The following TCF20 variants were observed in gnomAD, a reference collection of about 807,000 sequenced individuals.
The protein encoded by TCF20 is transcription factor 20, also known as SPRE-binding protein.
A neutral mutation model predicts 148.6 loss-of-function variants in TCF20; 3 were observed. The observed-to-expected ratio is 0.02, with a 90% confidence interval of 0.01 to 0.05. The LOEUF is 0.05. Among genes scored for constraint, TCF20 ranks in the 10% least tolerant of loss-of-function variants. TCF20 has a pLI of 1.00. For synonymous variants in TCF20, 1,049 were observed against 909.5 expected (o/e 1.15, Z -2.76); for missense variants, 2,350 against 2,429.3 (o/e 0.97, Z 0.69).
chr22:42,209,590 G>T, intron 2 of TCF20, 61 bp downstream of exon 2: 2 of 1,515,412 alleles, frequency 1.3e-6, no homozygotes, highest in Non-Finnish European at 1.8e-6. Context: ...ACAAAAACAT[G>T]CAAGAAAAGG....
chr22:42,257,128 C>G (rs949947508), intron 1 of TCF20, among the ~76,000 whole-genome samples: 3 of 152,178 alleles, frequency 2.0e-5, no homozygotes, highest in Admixed American at 6.5e-5. Flanking sequence ...TCACCACACT[C>G]CAGCCTGGGT....
intron 1 of TCF20, among the ~76,000 whole-genome samples, chr22:42,238,714 G>A (rs1254029691): frequency 6.6e-6 from 1 of 152,202 alleles, no homozygotes; most frequent in Admixed American, 6.5e-5. Flanking sequence ...GTGGTGAGAT[G>A]GGGGGACACC....
At chr22:42,191,095 C>A (rs1937309870) in intron 2 of TCF20, among the ~76,000 whole-genome samples, 2 of 152,188 alleles carry the variant, frequency 1.3e-5, no homozygotes, top group Non-Finnish European at 2.9e-5. Flanking sequence ...TAAATCCAAT[C>A]TATGTCCCCC....
intron 1 of TCF20, among the ~76,000 whole-genome samples, chr22:42,249,572 CTGCAAAAGCAGAAAT>C (rs879906994): frequency 4.6e-5 from 7 of 152,216 alleles, no homozygotes; most frequent in Non-Finnish European, 1.0e-4. Context: ...ATCACTGGTG[CTGCAAAAGCAGAAAT>C]TGCAACGGCC....
chr22:42,175,145 T>C (rs961760264), intron 3 of TCF20, among the ~76,000 whole-genome samples: 5 of 152,150 alleles, frequency 3.3e-5, no homozygotes, highest in Admixed American at 2.6e-4. Context: ...AATATTACGA[T>C]GTAACTAGAG....
intron 1 of TCF20, among the ~76,000 whole-genome samples, chr22:42,266,112 G>A (rs189952460): frequency 6.6e-6 from 1 of 151,694 alleles, no homozygotes; most frequent in East Asian, 1.9e-4. Flanking sequence ...GGCACAGCAG[G>A]AAGATATGGA....
At chr22:42,233,428 C>T (rs1923608555) in intron 1 of TCF20, among the ~76,000 whole-genome samples, 1 of 152,196 alleles carries the variant, frequency 6.6e-6, no homozygotes, top group South Asian at 2.1e-4. Context: ...TCCCAGCACA[C>T]CCAGCAGGCA....
At chr22:42,224,946 A>AT (rs1324065868) in intron 1 of TCF20, among the ~76,000 whole-genome samples, 4 of 148,166 alleles carry the variant, frequency 2.7e-5, no homozygotes, top group African/African-American at 5.0e-5. Context: ...TTGTGGAAGT[A>AT]TTTTTTCCCC....
intron 1 of TCF20, among the ~76,000 whole-genome samples, chr22:42,223,403 A>T (rs760201952): frequency 6.6e-6 from 1 of 152,182 alleles, no homozygotes; most frequent in Non-Finnish European, 1.5e-5. Context: ...ATCCAAATGC[A>T]TATTTTTGAA....
chr22:42,324,456 AT>A (rs1569210012), intron 1 of TCF20, among the ~76,000 whole-genome samples: 21 of 152,174 alleles, frequency 1.4e-4, no homozygotes, highest in South Asian at 1.2e-3. Context: ...TGAGAAAATA[AT>A]CTCCACCATT....
Position 42,199,075 on chromosome 22 carries a change from G to A in TCF20, c.5655+10576C>T, listed in dbSNP as rs141854115. ...ATATCTAGTGAAATAATCAGCACAT[G>A]GACAAAATCTAGAAGAGTCAGATAT... On this transcript the variant is annotated intron_variant, in intron 2 of 5. Coordinates refer to ENST00000677622, the MANE Select transcript of TCF20 (RefSeq NM_001378418.1). Among the ~76,000 whole-genome samples, 697 of 152,250 alleles carry A rather than the reference G, an allele frequency of 4.6e-3. 4 individuals carry two copies. Among genetic ancestry groups the A allele is most frequent in the Middle Eastern group, 0.017 (5 of 294 alleles).
intron 1 of TCF20, among the ~76,000 whole-genome samples, chr22:42,280,328 G>A (rs920486111): frequency 2.6e-5 from 4 of 152,182 alleles, no homozygotes; most frequent in Non-Finnish European, 5.9e-5. Flanking sequence ...AGGTGACTCC[G>A]CCACGTATGA....
intron 2 of TCF20, among the ~76,000 whole-genome samples, chr22:42,183,429 C>G (rs1009145085): frequency 2.6e-5 from 4 of 152,218 alleles, no homozygotes; most frequent in Admixed American, 6.5e-5. Flanking sequence ...CGATTCCCCC[C>G]CAGAGGGAGT....
chr22:42,332,426 G>A lies in TCF20; in HGVS notation c.-37+11053C>T, dbSNP rs117737649. 5.3e-5 allele frequency among the ~76,000 whole-genome samples: 8 copies of A among 152,318 alleles called. No individual in the cohort carries two copies. In the East Asian group the frequency reaches 1.5e-3, roughly 29 times the overall value. On this transcript the variant is annotated intron_variant, in intron 1 of 1. Transcript: ENST00000515426. ...GTCTCATTCCAAGGGTGATGGCAAT[G>A]TAAGCAAGGGCAGCACTCTGGGTTC...
At chr22:42,327,336 C>T (rs1308385177) in intron 1 of TCF20, among the ~76,000 whole-genome samples, 1 of 152,174 alleles carries the variant, frequency 6.6e-6, no homozygotes, top group Non-Finnish European at 1.5e-5. Context: ...CCTGCCATGG[C>T]CCTCAGAAAA....
At chr22:42,198,137 GCTAAA>G (rs1434415798) in intron 2 of TCF20, among the ~76,000 whole-genome samples, 1 of 152,080 alleles carries the variant, frequency 6.6e-6, no homozygotes, top group Non-Finnish European at 1.5e-5. Flanking sequence ...TTATACTCAC[GCTAAA>G]CTAAGAAAAA....
At position 42,317,492 on chromosome 22, in the gene TCF20, C is replaced by A. The variant is rs1569208125; in HGVS notation, c.-37+25987G>T. Among the ~76,000 whole-genome samples the A allele has an allele frequency of 1.3e-5, 2 of 152,186 alleles. No homozygotes were observed. Among genetic ancestry groups the A allele is most frequent in the Non-Finnish European group, 2.9e-5 (2 of 68,032 alleles). ...CCACCAAGCCCACCTAGGCCCTTCC[C>A]CAGTGTCACCTCATTACCCACTCAC... is the stretch of plus-strand genomic sequence containing the variant. On this transcript the variant is annotated intron_variant, in intron 1 of 1. Transcript: ENST00000515426. The surrounding 1 kb of genome is among the most constrained non-coding windows in gnomAD (Gnocchi z 4.2).
intron 2 of TCF20, among the ~76,000 whole-genome samples, chr22:42,186,421 A>G (rs1269915993): frequency 2.6e-5 from 4 of 152,258 alleles, no homozygotes; most frequent in Non-Finnish European, 4.4e-5. Context: ...ACTTTTAAAT[A>G]AAAATTACAT....
In TCF20 at chr22:42,168,692, C is replaced by G; in HGVS notation, c.5844G>C (p.Ala1948=). Residue 1948 remains alanine, a synonymous_variant, in exon 5 of 6, where the codon GCG becomes GCC. Coordinates refer to ENST00000677622, the MANE Select transcript of TCF20 (RefSeq NM_001378418.1). ...CPLPPLQNKT[A]KGSLSTEQSE... ...ACTGCTCTGTGCTGAGGCTGCCTTT[C>G]GCGGTCTTGTTCTGCAAGGGGGGGA... 1 of 1,610,864 alleles carries G rather than the reference C, an allele frequency of 6.2e-7. No homozygotes were observed. Among genetic ancestry groups the G allele is most frequent in the Non-Finnish European group, 8.5e-7 (1 of 1,178,890 alleles).
Sources: allele counts gnomAD v4.1 joint callset (sites outside exome capture counted in the v4.1 genomes callset), GRCh38; gene constraint gnomAD v4.1.1; non-coding constraint Gnocchi (gnomAD v3.1); transcripts MANE v1.5; gene names NCBI Gene and HGNC (gene_info 2026-07-23, HGNC 2026-07-21).